TMPRSS11E: variants seen among roughly 807,000 people sequenced by gnomAD.
TMPRSS11E encodes the protein transmembrane serine protease 11E, also known as transmembrane protease serine 11E.
TMPRSS11E carries 38 observed loss-of-function variants against 48.1 expected under a neutral mutation model. The observed-to-expected ratio is 0.79, with a 90% CI of 0.61 to 1.04. TMPRSS11E has a LOEUF of 1.04. Ranked by LOEUF, TMPRSS11E falls within the 50% of genes least tolerant of loss-of-function variation. The pLI is 0.00. For synonymous variants in TMPRSS11E, 158 were observed against 171.9 expected (o/e 0.92, Z 0.63); for missense variants, 530 against 510.8 (o/e 1.04, Z -0.36).
intron 9 of TMPRSS11E, among the ~76,000 whole-genome samples, chr4:68,484,235 C>A (rs1008325984): frequency 3.9e-5 from 6 of 152,134 alleles, no homozygotes; most frequent in Non-Finnish European, 7.4e-5. Context: ...GCAGTATGGC[C>A]ATTTTAACAA....
At chr4:68,481,874 C>T (rs556342956) in intron 9 of TMPRSS11E, among the ~76,000 whole-genome samples, 201 of 152,164 alleles carry the variant, frequency 1.3e-3, no homozygotes, top group African/African-American at 4.6e-3. Flanking sequence ...TGTTTGAACC[C>T]AAGAGGTCGA....
intron 5 of TMPRSS11E, among the ~76,000 whole-genome samples, chr4:68,474,081 T>C (rs1729145760): frequency 6.6e-6 from 1 of 152,166 alleles, no homozygotes; most frequent in Admixed American, 6.6e-5. Flanking sequence ...TATGTATCTA[T>C]TAGCTGGGTT....
chr4:68,461,227 T>G (rs1241154226), intron 1 of TMPRSS11E, among the ~76,000 whole-genome samples: 1 of 152,168 alleles, frequency 6.6e-6, no homozygotes, highest in Non-Finnish European at 1.5e-5. Flanking sequence ...GCTCAAAACC[T>G]CAGGTTCTTT....
intron 8 of TMPRSS11E, 135 bp from the exon 9 acceptor site, chr4:68,478,714 C>G: frequency 3.3e-6 from 3 of 917,786 alleles, no homozygotes; most frequent in Non-Finnish European, 3.3e-6. Context: ...CTCGGCCTCT[C>G]AAAGTGCTGG....
intron 1 of TMPRSS11E, among the ~76,000 whole-genome samples, chr4:68,450,909 C>T (rs2109657523): frequency 6.6e-6 from 1 of 151,984 alleles, no homozygotes; most frequent in East Asian, 1.9e-4. Flanking sequence ...AACTAATTCA[C>T]TGGTCTGCAG....
rs201347296 is a variant in TMPRSS11E, at chr4:68,482,406, T to C, written c.1110+3415T>C. Among the ~76,000 whole-genome samples, 4 of 151,924 alleles carry C rather than the reference T, an allele frequency of 2.6e-5. No homozygotes were observed. The East Asian group carries it at 7.8e-4, about 29-fold the overall frequency. ...TGTCTTCTCACATTGCAAAATATAA[T>C]TATGCCTTCCTAACAGTCCCCAAAA... On this transcript the variant is annotated intron_variant, in intron 9 of 9. Transcript: ENST00000305363.
In TMPRSS11E at chr4:68,497,106, A is replaced by AAC; in HGVS notation, c.*302_*303insAC. 4 of 227,204 alleles carry AAC rather than the reference A, an allele frequency of 1.8e-5. No homozygotes were observed. The highest frequency in any genetic ancestry group is 3.4e-5 in the Non-Finnish European group (4 of 117,910). 14.1% of individuals were successfully genotyped at this position (227,204 alleles called of 1,614,324 possible). On this transcript the variant is annotated 3_prime_UTR_variant, in exon 10 of 10. Transcript: ENST00000305363. ...TTTGTTCTCTAGAAGTTTTGTCAGAATTTTGACTTGTTGACATAAATTTGT... is the reference window on the plus strand; with the variant it reads ...TTTGTTCTCTAGAAGTTTTGTCAGAAACTTTTGACTTGTTGACATAAATTTGT...
At chr4:68,452,239 C>A (rs555420165) in intron 1 of TMPRSS11E, among the ~76,000 whole-genome samples, 1 of 151,842 alleles carries the variant, frequency 6.6e-6, no homozygotes, top group South Asian at 2.1e-4. Flanking sequence ...GCTACATGAC[C>A]CAAGACATAT....
intron 1 of TMPRSS11E, among the ~76,000 whole-genome samples, chr4:68,453,890 C>A (rs1193456885): frequency 6.6e-6 from 1 of 151,884 alleles, no homozygotes; most frequent in Non-Finnish European, 1.5e-5. Context: ...TACGTGTCTT[C>A]CAAATCCTGG....
chr4:68,468,769 A>T, intron 3 of TMPRSS11E, 110 bp from the exon 4 acceptor site: 1 of 844,076 alleles, frequency 1.2e-6, no homozygotes, highest in Non-Finnish European at 2.0e-6. Context: ...GTGAAATGTC[A>T]ATGTTTTTTG....
intron 1 of TMPRSS11E, among the ~76,000 whole-genome samples, chr4:68,449,094 C>T (rs1483451540): frequency 1.3e-5 from 2 of 151,588 alleles, no homozygotes; most frequent in Non-Finnish European, 3.0e-5. Flanking sequence ...ATAGCCTTCT[C>T]CCTGACTCTA....
chr4:68,486,986 T>C (rs1196060070), intron 9 of TMPRSS11E, among the ~76,000 whole-genome samples: 1 of 152,180 alleles, frequency 6.6e-6, no homozygotes, highest in Non-Finnish European at 1.5e-5. Flanking sequence ...GATCTTTCCT[T>C]ATGCCTTTAC....
chr4:68,451,683 C>T (rs1307481665), intron 1 of TMPRSS11E, among the ~76,000 whole-genome samples: 1 of 151,906 alleles, frequency 6.6e-6, no homozygotes, highest in Non-Finnish European at 1.5e-5. Flanking sequence ...TCTTTAGTTT[C>T]ACATGTACTA....
chr4:68,467,241 T>A (rs947786751), intron 3 of TMPRSS11E, among the ~76,000 whole-genome samples: 1 of 152,106 alleles, frequency 6.6e-6, no homozygotes, highest in South Asian at 2.1e-4. Context: ...ACCCAGTTTT[T>A]AAAAATATTT....
chr4:68,487,446 T>A (rs1729589453), intron 9 of TMPRSS11E, among the ~76,000 whole-genome samples: 1 of 151,900 alleles, frequency 6.6e-6, no homozygotes, highest in Non-Finnish European at 1.5e-5. Context: ...GAGATGGGAT[T>A]TCGCTATGTT....
chr4:68,471,969 G>C (rs1349950874), intron 5 of TMPRSS11E, among the ~76,000 whole-genome samples: 2 of 151,856 alleles, frequency 1.3e-5, no homozygotes, highest in Non-Finnish European at 2.9e-5. Context: ...TATATGGAAA[G>C]GTTCATGCCA....
chr4:68,481,542 A>G (rs978332374), intron 9 of TMPRSS11E, among the ~76,000 whole-genome samples: 1 of 151,874 alleles, frequency 6.6e-6, no homozygotes, highest in African/African-American at 2.4e-5. Flanking sequence ...TTAATTTCCC[A>G]TTTCCCTGAT....
At chr4:68,493,589 C>T (rs917598101) in intron 9 of TMPRSS11E, among the ~76,000 whole-genome samples, 4 of 152,112 alleles carry the variant, frequency 2.6e-5, no homozygotes, top group Non-Finnish European at 5.9e-5. Flanking sequence ...GCCTCAGCCT[C>T]CTGAGTAGCT....
At position 68,482,166 on chromosome 4, in the gene TMPRSS11E, A is replaced by ACAGAG. The variant is rs1373503211; in HGVS notation, c.1110+3175_1110+3176insCAGAG. 1.2e-4 allele frequency among the ~76,000 whole-genome samples: 7 copies of ACAGAG among 57,308 alleles called. No homozygotes were observed. In the East Asian group the frequency reaches 8.5e-3, roughly 69 times the overall value. The allele number at this position is 57,308 out of a possible 152,430, so 37.6% of individuals were successfully genotyped here. ...CATGGTGAAAGCAGGAGCAAGAGGG[A>ACAGAG]TAGAGGTGCCATACACTTTTAAACA... On this transcript the variant is annotated intron_variant, in intron 9 of 9. Coordinates refer to ENST00000305363, the MANE Select transcript of TMPRSS11E (RefSeq NM_014058.4).
Sources: allele counts gnomAD v4.1 joint callset (sites outside exome capture counted in the v4.1 genomes callset), GRCh38; gene constraint gnomAD v4.1.1; transcripts MANE v1.5; gene names NCBI Gene and HGNC (gene_info 2026-07-23, HGNC 2026-07-21).